VAX2: variants seen among roughly 807,000 people sequenced by gnomAD.
VAX2 encodes the protein ventral anterior homeobox 2.
Under a neutral mutation model 12.5 loss-of-function variants are expected in VAX2, and 8 were observed. That is an observed-to-expected ratio of 0.64 (90% CI 0.37 to 1.15). The LOEUF (loss-of-function observed/expected upper bound fraction) is 1.15, where lower values mean the gene tolerates loss of function less well. VAX2 is among the 50% of genes most tolerant of loss of function. VAX2 has a pLI of 0.01. For synonymous variants in VAX2, 183 were observed against 187.6 expected, an observed-to-expected ratio of 0.98 and a Z score of 0.20; for missense variants, 476 against 412.9, an observed-to-expected ratio of 1.15 and a Z score of -1.32.
At chr2:70,910,300 C>T (rs1324322865) in intron 1 of VAX2, among the ~76,000 whole-genome samples, 1 of 152,024 alleles carries the variant, frequency 6.6e-6, no homozygotes, top group Non-Finnish European at 1.5e-5. Flanking sequence ...TGAAATTTGT[C>T]ATAATAAACT....
chr2:70,928,367 G>T (rs143883954), intron 2 of VAX2, among the ~76,000 whole-genome samples: 1 of 152,330 alleles, frequency 6.6e-6, no homozygotes, highest in East Asian at 1.9e-4. Context: ...TTTAATATGG[G>T]TGAGGCATGA....
chr2:70,903,269 A>G (rs1385447107), intron 1 of VAX2, among the ~76,000 whole-genome samples: 1 of 152,162 alleles, frequency 6.6e-6, no homozygotes, highest in Admixed American at 6.5e-5. Flanking sequence ...GGAAACCACT[A>G]AAAGGTAAAA....
intron 2 of VAX2, among the ~76,000 whole-genome samples, chr2:70,931,038 C>T (rs531345500): frequency 1.3e-5 from 2 of 152,112 alleles, no homozygotes; most frequent in Non-Finnish European, 2.9e-5. Context: ...CCAGTCTCTC[C>T]TTCTAGTGCC....
chr2:70,933,115 T>C lies in VAX2; in HGVS notation c.784T>C (p.Tyr262His), dbSNP rs782514299. Residue 262 changes from tyrosine to histidine, a missense_variant, in exon 3 of 3, where the codon TAC (tyrosine) becomes CAC (histidine). Transcript: ENST00000234392. ...CCCGCTCCTGGATCTGCCTGCCGGC[T>C]ACGAACTGGGTTCCTCGGCCTTCGA... Reference protein sequence around the residue: ...SAPLLDLPAGYELGSSAFEPY... With the variant: ...SAPLLDLPAGHELGSSAFEPY... 2 of 1,609,330 alleles carry C rather than the reference T, an allele frequency of 1.2e-6. No homozygotes were observed. Among genetic ancestry groups the C allele is most frequent in the South Asian group, 2.2e-5 (2 of 90,232 alleles).
chr2:70,905,617 G>T (rs1679039010), intron 1 of VAX2, among the ~76,000 whole-genome samples: 2 of 152,164 alleles, frequency 1.3e-5, no homozygotes, highest in South Asian at 4.1e-4. Context: ...GGCGATTTCT[G>T]TTCCCCGCCT....
chr2:70,924,874 T>C (rs190842743), intron 2 of VAX2, among the ~76,000 whole-genome samples: 12 of 151,710 alleles, frequency 7.9e-5, no homozygotes, highest in African/African-American at 2.7e-4. Flanking sequence ...GTGATGAGTG[T>C]TGTGAGGGAG....
intron 1 of VAX2, among the ~76,000 whole-genome samples, chr2:70,916,481 C>T (rs114253477): frequency 0.021 from 3,268 of 152,276 alleles, 112 homozygotes; most frequent in African/African-American, 0.074. Flanking sequence ...TGATACAGTA[C>T]TGTGGTGTCA....
chr2:70,902,775 C>T (rs1161834472), intron 1 of VAX2, among the ~76,000 whole-genome samples: 3 of 152,222 alleles, frequency 2.0e-5, no homozygotes, highest in Non-Finnish European at 4.4e-5. Flanking sequence ...GCCACCCAAG[C>T]TGGGAGCAAT....
chr2:70,900,831 C>T lies in VAX2; in HGVS notation c.210C>T (p.Pro70=). 6.8e-7 allele frequency: 1 copy of T among 1,469,360 alleles called. No individual in the cohort carries two copies. The highest frequency in any genetic ancestry group is 9.0e-7 in the Non-Finnish European group (1 of 1,110,380). 91.0% of individuals were successfully genotyped at this position (1,469,360 alleles called of 1,614,324 possible). The change falls in exon 1 of 3, where the codon CCC becomes CCT. Residue 70 remains proline, a synonymous_variant. Coordinates refer to ENST00000234392, the MANE Select transcript of VAX2 (RefSeq NM_012476.3). ...CCGACAGCGACGGGCAGCCCGGGCC[C>T]GGCGAGGCAGACCACTGCCGCCGCA... ...SGADSDGQPG[P]GEADHCRRIL... is the part of the protein sequence containing the mutation.
At chr2:70,925,666 C>G (rs1433503172) in intron 2 of VAX2, among the ~76,000 whole-genome samples, 1 of 152,032 alleles carries the variant, frequency 6.6e-6, no homozygotes, top group Non-Finnish European at 1.5e-5. Flanking sequence ...CCTTCAAGTG[C>G]CCTCAGATAA....
chr2:70,908,350 C>G (rs562360932), intron 1 of VAX2, among the ~76,000 whole-genome samples: 1 of 152,190 alleles, frequency 6.6e-6, no homozygotes, highest in Non-Finnish European at 1.5e-5. Context: ...ATCCCTGTCC[C>G]CATCACCCAC....
chr2:70,928,699 T>C (rs917039386), intron 2 of VAX2, among the ~76,000 whole-genome samples: 16 of 152,204 alleles, frequency 1.1e-4, no homozygotes, highest in Admixed American at 9.2e-4. Flanking sequence ...CTCTGTTTTT[T>C]GGGAATGAGT....
chr2:70,912,416 C>T (rs1164479449), intron 1 of VAX2, among the ~76,000 whole-genome samples: 3 of 152,128 alleles, frequency 2.0e-5, no homozygotes, highest in South Asian at 2.1e-4. Context: ...AATCCCAGCA[C>T]TTTGGGAGGC....
intron 2 of VAX2, among the ~76,000 whole-genome samples, chr2:70,931,248 C>A (rs1679688649): frequency 6.6e-6 from 1 of 152,144 alleles, no homozygotes; most frequent in African/African-American, 2.4e-5. Flanking sequence ...CTCTCAGAGG[C>A]CCTGAAAAAG....
chr2:70,900,665 G>T lies in VAX2; in HGVS notation c.44G>T (p.Arg15Leu). The stretch of plus-strand genomic sequence containing the variant: ...GAGCGCGACCGGGGCCCCGCGCGCC[G>T]GGCGGAGTCTGGTGGCGGCGGTGGG... ...GAERDRGPAR[R>L]AESGGGGGRC... Residue 15 changes from arginine (R) to leucine (L), a missense_variant, in exon 1 of 3, where the codon CGG (arginine) becomes CTG (leucine). Arg to Leu is a moderately radical substitution (Grantham distance 102). Transcript: ENST00000234392. 1 of 1,284,672 alleles carries T rather than the reference G, an allele frequency of 7.8e-7. No individual in the cohort carries two copies. Among genetic ancestry groups the T allele is most frequent in the Non-Finnish European group, 9.8e-7 (1 of 1,015,466 alleles). 79.6% of individuals were successfully genotyped at this position (1,284,672 alleles called of 1,614,324 possible).
At chr2:70,930,335 C>A (rs1679665696) in intron 2 of VAX2, among the ~76,000 whole-genome samples, 1 of 152,212 alleles carries the variant, frequency 6.6e-6, no homozygotes, top group African/African-American at 2.4e-5. Context: ...TGCTTGCCAG[C>A]AAGGTTTGAG....
intron 1 of VAX2, among the ~76,000 whole-genome samples, chr2:70,919,399 G>A (rs1262012910): frequency 6.6e-6 from 1 of 151,816 alleles, no homozygotes; most frequent in African/African-American, 2.4e-5. Flanking sequence ...AGGTTAAAGT[G>A]CTTAAAACAG....
At position 70,900,799 on chromosome 2, in the gene VAX2, A is replaced by G. The variant is rs917769986; in HGVS notation, c.178A>G (p.Ser60Gly). 1 of 1,492,496 alleles carries G rather than the reference A, an allele frequency of 6.7e-7. No individual in the cohort carries two copies. The highest frequency in any genetic ancestry group is 2.2e-5 in the Admixed American group (1 of 45,952). 92.5% of individuals were successfully genotyped at this position (1,492,496 alleles called of 1,614,324 possible). ...SASSPAGSRE[S>G]GADSDGQPGP... is the part of the protein sequence containing the mutation. ...CTCCAGTCCCGCAGGCTCCAGGGAG[A>G]GTGGAGCCGACAGCGACGGGCAGCC... The change falls in exon 1 of 3, where the codon AGT becomes GGT. Residue 60 changes from serine to glycine, a missense_variant. By Grantham distance (56) the Ser-to-Gly change is moderately conservative. Transcript: ENST00000234392.
intron 1 of VAX2, among the ~76,000 whole-genome samples, chr2:70,901,566 A>G (rs782543509): frequency 1.3e-5 from 2 of 151,796 alleles, no homozygotes; most frequent in Non-Finnish European, 2.9e-5. Context: ...TTTCCCGGCC[A>G]TTCCTCTCAG....
Sources: allele counts gnomAD v4.1 joint callset (sites outside exome capture counted in the v4.1 genomes callset), GRCh38; gene constraint gnomAD v4.1.1; transcripts MANE v1.5; gene names NCBI Gene and HGNC (gene_info 2026-07-23, HGNC 2026-07-21).